Variants in MOB3B observed in about 807,000 individuals in gnomAD.
MOB3B encodes MOB kinase activator-like 2B.
MOB3B carries 7 observed loss-of-function variants against 18.7 expected under a neutral mutation model. The observed-to-expected ratio is 0.37, with a 90% confidence interval of 0.21 to 0.70. The LOEUF is 0.70. Ranked by LOEUF, MOB3B falls within the 30% of genes least tolerant of loss-of-function variation. The pLI is 0.52. For synonymous variants in MOB3B, 111 were observed against 99.9 expected (o/e 1.11, Z -0.66); for missense variants, 253 against 281.3 (o/e 0.90, Z 0.72).
intron 1 of MOB3B, among the ~76,000 whole-genome samples, chr9:27,529,241 G>A (rs1820491904): frequency 6.6e-6 from 1 of 151,618 alleles, no homozygotes. Flanking sequence ...AAAGAAGGAC[G>A]ATCTTATTGA....
At chr9:27,472,086 T>C (rs1819481079) in intron 1 of MOB3B, among the ~76,000 whole-genome samples, 1 of 152,246 alleles carries the variant, frequency 6.6e-6, no homozygotes, top group South Asian at 2.1e-4. Context: ...AATCTTCTCA[T>C]AGTTTCTAAT....
At chr9:27,340,981 C>T (rs1436782457) in intron 3 of MOB3B, among the ~76,000 whole-genome samples, 1 of 152,242 alleles carries the variant, frequency 6.6e-6, no homozygotes, top group Non-Finnish European at 1.5e-5. Flanking sequence ...AGTGCACCCA[C>T]CCGCTTTGAG....
At position 27,455,302 on chromosome 9, in the gene MOB3B, G is replaced by C; in HGVS notation, c.249C>G (p.Thr83=). The change falls in exon 2 of 4, where the codon ACC becomes ACG. Residue 83 remains threonine (T), a synonymous_variant. Coordinates refer to ENST00000262244, the MANE Select transcript of MOB3B (RefSeq NM_024761.5). The part of the protein sequence containing the change: ...LIYGTICEFC[T]ERTCPVMSGG... Reference sequence around the variant, plus strand: ...CTGACATCACAGGACAGGTCCGCTCGGTGCAGAACTCACAGATGGTGCCAT... The same window carrying C: ...CTGACATCACAGGACAGGTCCGCTCCGTGCAGAACTCACAGATGGTGCCAT... 1 of 1,614,036 alleles carries C rather than the reference G, an allele frequency of 6.2e-7. No homozygotes were observed. Among genetic ancestry groups the C allele is most frequent in the Non-Finnish European group, 8.5e-7 (1 of 1,180,008 alleles).
intron 3 of MOB3B, among the ~76,000 whole-genome samples, chr9:27,345,254 TG>T (rs1821015681): frequency 6.6e-6 from 1 of 152,170 alleles, no homozygotes; most frequent in Admixed American, 6.5e-5. Context: ...GTGGGCACTG[TG>T]GATGTGTTGC....
intron 1 of MOB3B, among the ~76,000 whole-genome samples, chr9:27,490,973 T>C (rs1319543437): frequency 2.6e-5 from 1 of 38,216 alleles, no homozygotes; most frequent in Non-Finnish European, 8.7e-5. Flanking sequence ...TAGCACATCA[T>C]ACAGCCTTTT....
rs145561181 is a variant in MOB3B at position 27,436,786 on chromosome 9, C to T, written c.418+18347G>A. Among the ~76,000 whole-genome samples, 770 of 152,020 alleles carry T rather than the reference C, an allele frequency of 5.1e-3. 7 individuals carry two copies. Among genetic ancestry groups the T allele is most frequent in the African/African-American group, 0.017 (704 of 41,430 alleles). On this transcript the variant is annotated intron_variant, in intron 2 of 3. Transcript: ENST00000262244. Reference sequence around the variant, plus strand: ...TGAAAATAATATTAAGGAAATTAGGCGGGTTATCTAATAGAAACAGAAGGG... The same window carrying T: ...TGAAAATAATATTAAGGAAATTAGGTGGGTTATCTAATAGAAACAGAAGGG...
intron 2 of MOB3B, among the ~76,000 whole-genome samples, chr9:27,426,649 G>C (rs1387809823): frequency 6.6e-6 from 1 of 152,200 alleles, no homozygotes; most frequent in African/African-American, 2.4e-5. Flanking sequence ...AGGCTCAGCT[G>C]ATATCTAATC....
intron 2 of MOB3B, among the ~76,000 whole-genome samples, chr9:27,427,185 T>C (rs1195447845): frequency 2.0e-5 from 3 of 151,944 alleles, no homozygotes; most frequent in Non-Finnish European, 4.4e-5. Flanking sequence ...GCTAGTTCCA[T>C]TTTTTTTCCC....
At chr9:27,420,648 C>T (rs1248023139) in intron 2 of MOB3B, among the ~76,000 whole-genome samples, 2 of 136,012 alleles carry the variant, frequency 1.5e-5, no homozygotes, top group Non-Finnish European at 3.1e-5. Context: ...TTGCAGTGAC[C>T]CGGATGAGAT....
intron 2 of MOB3B, among the ~76,000 whole-genome samples, chr9:27,399,007 T>G (rs1587181898): frequency 2.7e-5 from 4 of 148,612 alleles, no homozygotes; most frequent in Admixed American, 6.7e-5. Context: ...GGCAGGGGGG[T>G]GGGAAACAGA....
At chr9:27,524,530 C>A (rs780933855) in intron 1 of MOB3B, 1 of 1,614,126 alleles carries the variant, frequency 6.2e-7, no homozygotes, top group East Asian at 2.2e-5. Context: ...GAAAACATAG[C>A]TTTTGAGTTG....
intron 1 of MOB3B, chr9:27,524,706 T>C (rs1649649396): frequency 6.2e-7 from 1 of 1,613,508 alleles, no homozygotes; most frequent in South Asian, 1.1e-5. Context: ...GCAAGCAGAG[T>C]ACCTGAACCA....
intron 2 of MOB3B, among the ~76,000 whole-genome samples, chr9:27,415,973 C>T (rs1822140835): frequency 1.3e-5 from 2 of 152,172 alleles, no homozygotes; most frequent in Middle Eastern, 3.2e-3. Context: ...CATGCTTTCA[C>T]CCCTGGATTA....
intron 2 of MOB3B, chr9:27,378,662 C>T (rs1218760116): frequency 4.2e-6 from 2 of 470,996 alleles, no homozygotes; most frequent in Admixed American, 4.7e-5. Flanking sequence ...CCTGATGACT[C>T]CCTGACCCAG....
chr9:27,384,019 T>C (rs1463398354), intron 2 of MOB3B, among the ~76,000 whole-genome samples: 1 of 152,250 alleles, frequency 6.6e-6, no homozygotes, highest in Non-Finnish European at 1.5e-5. Flanking sequence ...TGAGAAATTC[T>C]ACAGTAAAGA....
intron 1 of MOB3B, among the ~76,000 whole-genome samples, chr9:27,473,029 A>G (rs7875232): frequency 0.96 from 145,789 of 152,312 alleles, 70,062 homozygotes; most frequent in East Asian, 1. Context: ...TAGCTATTCC[A>G]ACTCAGAGAT....
chr9:27,429,276 G>A (rs1822384373), intron 2 of MOB3B, among the ~76,000 whole-genome samples: 1 of 152,080 alleles, frequency 6.6e-6, no homozygotes, highest in South Asian at 2.1e-4. Context: ...AATGAAATAT[G>A]GCCATCAAAA....
At chr9:27,521,091 C>G (rs891981823) in intron 1 of MOB3B, among the ~76,000 whole-genome samples, 1 of 152,104 alleles carries the variant, frequency 6.6e-6, no homozygotes, top group South Asian at 2.1e-4. Context: ...CTTGGGGAAC[C>G]CTAAGAATTA....
At chr9:27,478,265 T>A (rs1056990092) in intron 1 of MOB3B, among the ~76,000 whole-genome samples, 1 of 152,130 alleles carries the variant, frequency 6.6e-6, no homozygotes, top group Non-Finnish European at 1.5e-5. Context: ...CAATTCCTGC[T>A]GAATAAACCC....
Sources: gnomAD v4.1 joint callset for allele counts (sites outside exome capture counted in the v4.1 genomes callset) on GRCh38, gnomAD v4.1.1 for gene constraint, MANE v1.5 for transcripts, NCBI Gene and HGNC (gene_info 2026-07-23, HGNC 2026-07-21) for gene names.